The following COL12A1 variants were observed in gnomAD, a reference collection of about 807,000 sequenced individuals.
COL12A1 encodes collagen alpha-1(XII) chain.
Under a neutral mutation model 349.7 loss-of-function variants are expected in COL12A1, and 114 were observed. The ratio of observed to expected loss-of-function variants is 0.33; its 90% confidence interval spans 0.28 to 0.38. The LOEUF (loss-of-function observed/expected upper bound fraction) is 0.38. Among genes scored for constraint, COL12A1 ranks in the 10% least tolerant of loss-of-function variants. The probability of loss-of-function intolerance (pLI) is 1.00; values close to 1 mark genes in which losing one functional copy is unlikely to be tolerated. For missense variants in COL12A1, 3,284 were observed against 3,756.9 expected, an observed-to-expected ratio of 0.87 and a Z score of 3.29; for synonymous variants, 1,369 against 1,329.0, an observed-to-expected ratio of 1.03 and a Z score of -0.66.
At chr6:75,105,905 G>A (rs1251586514) in intron 53 of COL12A1, among the ~76,000 whole-genome samples, 2 of 152,094 alleles carry the variant, frequency 1.3e-5, no homozygotes, top group African/African-American at 2.4e-5. Flanking sequence ...AATATTTGCT[G>A]AATAAATAAT....
chr6:75,166,495 A>C (rs1768315369), intron 13 of COL12A1, among the ~76,000 whole-genome samples: 1 of 152,194 alleles, frequency 6.6e-6, no homozygotes, highest in African/African-American at 2.4e-5. Flanking sequence ...TCATTCAAAA[A>C]ACATACAACC....
chr6:75,128,735 T>A (rs940294873), intron 37 of COL12A1, among the ~76,000 whole-genome samples: 2 of 152,182 alleles, frequency 1.3e-5, no homozygotes, highest in Admixed American at 1.3e-4. Context: ...TTACTGAGTA[T>A]TCCAGCACTC....
chr6:75,123,310 G>C lies in COL12A1; in HGVS notation c.6946+20C>G. 2 of 1,599,802 alleles carry C rather than the reference G, an allele frequency of 1.3e-6. No homozygotes were observed. Among genetic ancestry groups the C allele is most frequent in the Non-Finnish European group, 1.7e-6 (2 of 1,170,092 alleles). On this transcript the variant is annotated intron_variant, in intron 43 of 65. Transcript: ENST00000322507. Reference sequence around the variant, plus strand: ...TAACTCCCTATCAGCTGAACGTATTGCCTATTTAGCTGTACTTACCATCCC... The same window carrying C: ...TAACTCCCTATCAGCTGAACGTATTCCCTATTTAGCTGTACTTACCATCCC...
rs778351971 is a variant in COL12A1, at chr6:75,090,213, T to A, written c.8838A>T (p.Pro2946=). 5 of 1,613,976 alleles carry A rather than the reference T, an allele frequency of 3.1e-6. No individual in the cohort carries two copies. In the African/African-American group the frequency reaches 5.3e-5, roughly 17 times the overall value. The change falls in exon 63 of 66, where the codon CCA becomes CCT. Residue 2946 remains proline, a synonymous_variant. Coordinates refer to ENST00000322507, the MANE Select transcript of COL12A1 (RefSeq NM_004370.6). This position sits in a 1 kb window ranked among gnomAD's most constrained non-coding sequence, Gnocchi z 4.1. ...CTCCTGCGCTACCAGGAGGTCCCGG[T>A]GGACCCGGCGGGCCTGGCTGGTTGC... The part of the protein sequence containing the change: ...SSRNQPGPPG[P]PGPPGSAGAR...
chr6:75,144,703 T>C (rs1767089795), intron 25 of COL12A1, among the ~76,000 whole-genome samples: 1 of 152,160 alleles, frequency 6.6e-6, no homozygotes, highest in Non-Finnish European at 1.5e-5. Flanking sequence ...ACAAGAGAAA[T>C]GCAAACCAGG....
In COL12A1 at chr6:75,193,206, G is replaced by T. The variant is rs1199291644; in HGVS notation, c.191-851C>A. ...GACTCTGCCAGGTTGGGTAGCCCCA[G>T]TGCCAGTTTTGGAAGTGTTAGGTGT... On this transcript the variant is annotated intron_variant, in intron 3 of 65. Transcript: ENST00000322507. Among the ~76,000 whole-genome samples, 8 of 152,140 alleles carry T rather than the reference G, an allele frequency of 5.3e-5. No individual in the cohort carries two copies. The East Asian group carries it at 1.3e-3, about 26-fold the overall frequency.
chr6:75,147,351 A>G (rs1582131129), intron 23 of COL12A1, among the ~76,000 whole-genome samples: 2 of 152,174 alleles, frequency 1.3e-5, no homozygotes, highest in East Asian at 3.8e-4. Context: ...CCTGAAAGGT[A>G]TATTTGCATT....
At position 75,106,425 on chromosome 6, in the gene COL12A1, G is replaced by A. The variant is rs1768547789; in HGVS notation, c.8172C>T (p.Pro2724=). 1 of 1,613,418 alleles carries A rather than the reference G, an allele frequency of 6.2e-7. No homozygotes were observed. Among genetic ancestry groups the A allele is most frequent in the African/African-American group, 1.3e-5 (1 of 75,032 alleles). ...WTSRDRCCDI[P]SRRDEGKCPA... is the part of the protein sequence containing the mutation. ...TCAATTCTGTTTTACTTACCCTAGA[G>A]GGAATATCACAGCATCTGTCTCTAC... The change falls in exon 53 of 66, where the codon CCC becomes CCT. Residue 2724 remains proline, a synonymous_variant. Coordinates refer to ENST00000322507, the MANE Select transcript of COL12A1 (RefSeq NM_004370.6).
At chr6:75,160,627 C>G (rs1254330660) in intron 14 of COL12A1, among the ~76,000 whole-genome samples, 1 of 152,152 alleles carries the variant, frequency 6.6e-6, no homozygotes, top group South Asian at 2.1e-4. Flanking sequence ...CTTTGGTATC[C>G]ATGGGAGATT....
intron 2 of COL12A1, among the ~76,000 whole-genome samples, chr6:75,198,252 AT>A (rs1271493453): frequency 2.0e-5 from 3 of 152,156 alleles, no homozygotes; most frequent in African/African-American, 7.2e-5. Flanking sequence ...AATTTTTGTA[AT>A]CAGACCTTGG....
chr6:75,203,617 T>C (rs933430492), intron 1 of COL12A1, among the ~76,000 whole-genome samples: 20 of 152,222 alleles, frequency 1.3e-4, no homozygotes, highest in African/African-American at 4.8e-4. Context: ...CAGAGGAGAA[T>C]ATGTTCTGTT....
At chr6:75,145,919 T>A (rs1339804291) in intron 24 of COL12A1, among the ~76,000 whole-genome samples, 183 bp downstream of exon 24, 1 of 152,170 alleles carries the variant, frequency 6.6e-6, no homozygotes, top group East Asian at 1.9e-4. Flanking sequence ...CAGGCGTCAG[T>A]CACCGTGGGC....
Position 75,141,963 on chromosome 6 carries a change from A to T in COL12A1, c.4957+69T>A. On this transcript the variant is annotated intron_variant, in intron 27 of 65. Coordinates refer to ENST00000322507, the MANE Select transcript of COL12A1 (RefSeq NM_004370.6). Reference sequence around the variant, plus strand: ...GTAGCATTAAGAAACAAAATGACCCAGTAAATTGTGTTACACATGCATGTA... The same window carrying T: ...GTAGCATTAAGAAACAAAATGACCCTGTAAATTGTGTTACACATGCATGTA... 1.9e-6 allele frequency: 3 copies of T among 1,571,048 alleles called. No homozygotes were observed. In the South Asian group the frequency reaches 3.5e-5, roughly 18 times the overall value.
At chr6:75,168,371 A>G (rs1405125357) in intron 13 of COL12A1, among the ~76,000 whole-genome samples, 5 of 152,196 alleles carry the variant, frequency 3.3e-5, no homozygotes, top group African/African-American at 1.2e-4. Context: ...CAAACATTAG[A>G]TTACCAAAAA....
chr6:75,189,848 C>T (rs777255062), intron 5 of COL12A1, 33 bp from the exon 6 acceptor site: 32 of 1,599,794 alleles, frequency 2.0e-5, no homozygotes, highest in Non-Finnish European at 2.6e-5. Flanking sequence ...TTAAATGATG[C>T]TTTATTAAAT....
chr6:75,144,584 G>A (rs758573733), intron 25 of COL12A1, among the ~76,000 whole-genome samples: 4 of 152,144 alleles, frequency 2.6e-5, no homozygotes, highest in Non-Finnish European at 4.4e-5. Flanking sequence ...AGCTGGGTAA[G>A]GCAAGAGGCA....
At chr6:75,099,537 T>C (rs1049350792) in intron 58 of COL12A1, among the ~76,000 whole-genome samples, 10 of 152,260 alleles carry the variant, frequency 6.6e-5, no homozygotes, top group African/African-American at 2.2e-4. Context: ...AGAGGAAATA[T>C]ATTCGTAAAT....
chr6:75,113,134 T>C, intron 51 of COL12A1, 70 bp downstream of exon 51: 1 of 782,470 alleles, frequency 1.3e-6, no homozygotes, highest in Admixed American at 3.2e-5. Flanking sequence ...TAACATGACA[T>C]TTTAATAAAT....
rs1415125037 is a variant in COL12A1, at chr6:75,180,988, A to G, written c.2115T>C (p.Tyr705=). The change falls in exon 11 of 66, where the codon TAT becomes TAC. Residue 705 remains tyrosine, a synonymous_variant. Coordinates refer to ENST00000322507, the MANE Select transcript of COL12A1 (RefSeq NM_004370.6). The stretch of plus-strand genomic sequence containing the variant: ...CTAAGGGAATGCTGAAGCCATCCTC[A>G]TACTCCGCAGTCACATTGACCAAAT... ...TLYLVNVTAE[Y]EDGFSIPLAG... is the part of the protein sequence containing the mutation. The G allele has an allele frequency of 1.9e-6, 3 of 1,614,100 alleles. No individual in the cohort carries two copies. Among genetic ancestry groups the G allele is most frequent in the African/African-American group, 2.7e-5 (2 of 75,010 alleles).
Sources: gnomAD v4.1 joint callset for allele counts (sites outside exome capture counted in the v4.1 genomes callset) on GRCh38, gnomAD v4.1.1 for gene constraint, Gnocchi (gnomAD v3.1) non-coding constraint, MANE v1.5 for transcripts, NCBI Gene and HGNC (gene_info 2026-07-23, HGNC 2026-07-21) for gene names.